The following TMEM232 variants were observed in gnomAD, a reference collection of about 807,000 sequenced individuals.
The protein encoded by TMEM232 is transmembrane protein 232.
In TMEM232, 80 loss-of-function variants were observed where a neutral mutation model predicts 78.8. The observed-to-expected ratio is 1.01, with a 90% CI of 0.85 to 1.22. The LOEUF is 1.22. Ranked by LOEUF, TMEM232 falls within the 50% of genes most tolerant of loss-of-function variation. TMEM232 has a pLI of 0.00. For synonymous variants in TMEM232, 297 were observed against 254.3 expected (o/e 1.17, Z -1.60); for missense variants, 881 against 742.2 (o/e 1.19, Z -2.17).
At chr5:110,728,439 A>G (rs1294873786), upstream of TMEM232, among the ~76,000 whole-genome samples, 1 of 151,884 alleles carries the variant, frequency 6.6e-6, no homozygotes, top group Admixed American at 6.6e-5. Flanking sequence ...ACTATCTCAT[A>G]CCATAGCAAC....
intron 11 of TMEM232, among the ~76,000 whole-genome samples, chr5:110,547,120 A>G (rs1476953069): frequency 6.6e-6 from 1 of 152,128 alleles, no homozygotes; most frequent in Non-Finnish European, 1.5e-5. Context: ...TAAATTCAAA[A>G]TAATTTTTCT....
intron 12 of TMEM232, among the ~76,000 whole-genome samples, chr5:110,469,241 T>C (rs1420792221): frequency 6.6e-6 from 1 of 152,178 alleles, no homozygotes; most frequent in African/African-American, 2.4e-5. Context: ...ACTGGAACTA[T>C]GGCTGGCATG....
intron 1 of TMEM232, among the ~76,000 whole-genome samples, chr5:110,689,273 T>A (rs1793796520): frequency 6.6e-6 from 1 of 151,928 alleles, no homozygotes; most frequent in African/African-American, 2.4e-5. Flanking sequence ...CAAAACAGAG[T>A]CTTGGAGTAG....
At chr5:110,429,629 A>T (rs778422865) in intron 12 of TMEM232, among the ~76,000 whole-genome samples, 2 of 151,890 alleles carry the variant, frequency 1.3e-5, no homozygotes, top group South Asian at 4.1e-4. Flanking sequence ...AACTAAAATA[A>T]ATAACCATTG....
At chr5:110,618,837 G>A (rs1223207596) in intron 7 of TMEM232, among the ~76,000 whole-genome samples, 1 of 152,124 alleles carries the variant, frequency 6.6e-6, no homozygotes, top group Non-Finnish European at 1.5e-5. Flanking sequence ...TCACATAAGG[G>A]ATAGCTATTA....
At chr5:110,678,987 C>A (rs963823760) in intron 1 of TMEM232, among the ~76,000 whole-genome samples, 7 of 152,072 alleles carry the variant, frequency 4.6e-5, no homozygotes, top group African/African-American at 1.7e-4. Context: ...CATTCATGTG[C>A]AGGTTTTTCT....
At chr5:110,648,901 G>T (rs1024045031) in intron 2 of TMEM232, among the ~76,000 whole-genome samples, 1 of 152,020 alleles carries the variant, frequency 6.6e-6, no homozygotes, top group Admixed American at 6.6e-5. Flanking sequence ...ACAGTCATTT[G>T]GAGTAGCTAC....
intron 1 of TMEM232, chr5:110,685,065 T>A (rs560037280): frequency 6.6e-6 from 1 of 152,078 alleles, no homozygotes; most frequent in Non-Finnish European, 1.5e-5. Context: ...AACAAAAGGA[T>A]AAATTAACTC....
upstream of TMEM232, among the ~76,000 whole-genome samples, chr5:110,730,930 G>A (rs986780292): frequency 2.6e-5 from 4 of 152,040 alleles, no homozygotes; most frequent in African/African-American, 4.8e-5. Flanking sequence ...AGCATTAACC[G>A]AAATGTCCAC....
intron 10 of TMEM232, among the ~76,000 whole-genome samples, chr5:110,588,153 A>G (rs978279863): frequency 1.3e-5 from 2 of 152,082 alleles, no homozygotes; most frequent in African/African-American, 4.8e-5. Flanking sequence ...TGTGCTAATG[A>G]TTTTTCTAAG....
Position 110,420,660 on chromosome 5 carries a change from C to G in TMEM232, c.1894G>C (p.Glu632Gln), listed in dbSNP as rs182807123. The G allele has an allele frequency of 9.0e-5, 137 of 1,526,038 alleles. No homozygotes were observed. In the African/African-American group the frequency reaches 1.6e-3, roughly 18 times the overall value. 94.5% of individuals were successfully genotyped at this position (1,526,038 alleles called of 1,614,324 possible). ...KKLAEKNHFQ[E>Q]VMKKREEKLH... ...TTCTCTTCTCTTTTCTTCATAACTTCTTGAAAGTGATTTTTCTCTGCTAAC... is the reference window on the plus strand; with the variant it reads ...TTCTCTTCTCTTTTCTTCATAACTTGTTGAAAGTGATTTTTCTCTGCTAAC... The change falls in exon 14 of 14, where the codon GAA becomes CAA. Residue 632 changes from glutamate (E) to glutamine (Q), a missense_variant. Coordinates refer to ENST00000455884, the MANE Select transcript of TMEM232 (RefSeq NM_001039763.4).
At chr5:110,414,795 T>C (rs902902605), downstream of TMEM232, among the ~76,000 whole-genome samples, 5 of 152,212 alleles carry the variant, frequency 3.3e-5, no homozygotes, top group Non-Finnish European at 5.9e-5. Context: ...AGGAAGTAGA[T>C]GGGAGCCCGT....
intron 8 of TMEM232, among the ~76,000 whole-genome samples, chr5:110,612,088 C>T (rs1006255384): frequency 4.6e-5 from 7 of 152,248 alleles, no homozygotes; most frequent in Middle Eastern, 3.4e-3. Context: ...GGAAGATCTA[C>T]AGTCTAACAG....
At chr5:110,404,400 T>C (rs1221182550) in intron 2 of TMEM232, among the ~76,000 whole-genome samples, 1 of 152,074 alleles carries the variant, frequency 6.6e-6, no homozygotes, top group Non-Finnish European at 1.5e-5. Context: ...AAAAAAACTA[T>C]TTTATTCAGA....
At chr5:110,505,979 G>T (rs1383502719) in intron 12 of TMEM232, among the ~76,000 whole-genome samples, 1 of 152,166 alleles carries the variant, frequency 6.6e-6, no homozygotes, top group Non-Finnish European at 1.5e-5. Flanking sequence ...GCTGTCCACA[G>T]GTGTGGCCCA....
intron 11 of TMEM232, among the ~76,000 whole-genome samples, chr5:110,557,861 G>C (rs185633831): frequency 2.2e-4 from 33 of 152,216 alleles, no homozygotes; most frequent in Admixed American, 2.0e-3. Context: ...CTATATCAAA[G>C]ACACTCTGGC....
chr5:110,698,889 T>G (rs1795116316), intron 1 of TMEM232, among the ~76,000 whole-genome samples: 1 of 152,078 alleles, frequency 6.6e-6, no homozygotes, highest in Non-Finnish European at 1.5e-5. Context: ...TTTATATTCC[T>G]TCTGAGAGCA....
chr5:110,692,722 T>C (rs974024745), intron 1 of TMEM232, among the ~76,000 whole-genome samples: 2 of 152,088 alleles, frequency 1.3e-5, no homozygotes, highest in African/African-American at 4.8e-5. Context: ...CAGTCTGAGA[T>C]CAAACTGCAA....
chr5:110,657,413 G>T (rs1186252514), intron 2 of TMEM232, among the ~76,000 whole-genome samples: 1 of 150,844 alleles, frequency 6.6e-6, no homozygotes, highest in Non-Finnish European at 1.5e-5. Flanking sequence ...GTGTGTAGTA[G>T]AATACTATAA....
Sources: allele counts gnomAD v4.1 joint callset (sites outside exome capture counted in the v4.1 genomes callset), GRCh38; gene constraint gnomAD v4.1.1; transcripts MANE v1.5; gene names NCBI Gene and HGNC (gene_info 2026-07-23, HGNC 2026-07-21).